The following ECE1 variants were observed in gnomAD, a reference collection of about 807,000 sequenced individuals.
ECE1 encodes the protein endothelin converting enzyme 1, also known as endothelin-converting enzyme 1.
A neutral mutation model predicts 98.6 loss-of-function variants in ECE1; 35 were observed. The ratio of observed to expected loss-of-function variants is 0.35; its 90% CI spans 0.27 to 0.47. ECE1 has a LOEUF of 0.47. Ranked by LOEUF, ECE1 falls within the 20% of genes least tolerant of loss-of-function variation. The pLI is 1.00. For synonymous variants in ECE1, 394 were observed against 407.1 expected (o/e 0.97, Z 0.39); for missense variants, 814 against 1,025.3 (o/e 0.79, Z 2.81).
intron 1 of ECE1, among the ~76,000 whole-genome samples, chr1:21,321,362 G>A (rs1051073719): frequency 7.2e-5 from 11 of 152,354 alleles, no homozygotes; most frequent in African/African-American, 2.4e-4. Context: ...AAATCTCTGT[G>A]TGAATAACAT....
rs2098222976 is a variant in ECE1 at position 21,258,648 on chromosome 1, G to A, written c.762+45C>T. 4 of 1,588,320 alleles carry A rather than the reference G, an allele frequency of 2.5e-6. No individual in the cohort carries two copies. Among genetic ancestry groups the A allele is most frequent in the Non-Finnish European group, 3.4e-6 (4 of 1,163,768 alleles). ...TCCTGCTAAACTCAAAACAGGAAGA[G>A]GTCGTGCCCGCCCCCTCGACCGCTG... is the stretch of plus-strand genomic sequence containing the variant. On this transcript the variant is annotated intron_variant, in intron 6 of 18. Transcript: ENST00000374893. The surrounding 1 kb of genome is among the most constrained non-coding windows in gnomAD (Gnocchi z 4.2).
chr1:21,238,378 A>G (rs142599738), intron 10 of ECE1, 134 bp from the exon 11 acceptor site: 1 of 744,730 alleles, frequency 1.3e-6, no homozygotes, highest in African/African-American at 1.7e-5. Flanking sequence ...GACCCAGTAA[A>G]GTTATTTTAG....
rs185969431 is a variant in ECE1 at position 21,257,788 on chromosome 1, C to T, written c.763-198G>A. Reference sequence around the variant, plus strand: ...CACATTCCTGCCTGTCCACGTGGCCCCCCCCCGCAGGGCTCCTGGGCTCCT... The same window carrying T: ...CACATTCCTGCCTGTCCACGTGGCCTCCCCCCGCAGGGCTCCTGGGCTCCT... On this transcript the variant is annotated intron_variant, in intron 6 of 18. Coordinates refer to ENST00000374893, the MANE Select transcript of ECE1 (RefSeq NM_001397.3). 4.6e-5 allele frequency among the ~76,000 whole-genome samples: 7 copies of T among 152,092 alleles called. No individual in the cohort carries two copies. The East Asian group carries it at 1.2e-3, about 25-fold the overall frequency.
rs1638903773 is a variant in ECE1, at chr1:21,319,025, T to C, written c.3+26351A>G. Among the ~76,000 whole-genome samples, 1 of 152,168 alleles carries C rather than the reference T, an allele frequency of 6.6e-6. No homozygotes were observed. Among genetic ancestry groups the C allele is most frequent in the Non-Finnish European group, 1.5e-5 (1 of 68,034 alleles). ...GCTGGGTCTGTACAATCTCCCGGGC[T>C]CCGTTTTCTCATCAGCTAAGTCAAA... On this transcript the variant is annotated intron_variant, in intron 1 of 18. Transcript: ENST00000415912. The surrounding 1 kb of genome is among the most constrained non-coding windows in gnomAD (Gnocchi z 4.4).
intron 1 of ECE1, among the ~76,000 whole-genome samples, chr1:21,326,813 C>T (rs1378634663): frequency 2.0e-5 from 3 of 152,120 alleles, no homozygotes; most frequent in African/African-American, 7.2e-5. Flanking sequence ...AGCAGCTCCC[C>T]GCTGCTGGGG....
rs1473535452 is a variant in ECE1 at position 21,222,062 on chromosome 1, C to T, written c.2041-220G>A. 8.6e-6 allele frequency: 5 copies of T among 583,940 alleles called. No individual in the cohort carries two copies. The Admixed American group carries it at 1.4e-4, about 17-fold the overall frequency. The allele number at this position is 583,940 out of a possible 1,614,324, so 36.2% of individuals were successfully genotyped here. On this transcript the variant is annotated intron_variant, in intron 17 of 18. Transcript: ENST00000374893. ...CGCACTGATGGCTCTCACATTTACA[C>T]CTTCTGCTCCAGCCTCTTCCCTGAT...
chr1:21,227,660 G>A (rs1011872853), intron 15 of ECE1, among the ~76,000 whole-genome samples: 4 of 152,154 alleles, frequency 2.6e-5, no homozygotes, highest in African/African-American at 7.2e-5. Flanking sequence ...CCCCAGCTCT[G>A]ACTGTGTTAT....
In ECE1 at chr1:21,256,067, G is replaced by A. The variant is rs1573973911; in HGVS notation, c.900C>T (p.Ile300=). Residue 300 remains isoleucine (I), a synonymous_variant, in exon 8 of 19, where the codon ATC becomes ATT. Transcript: ENST00000374893. ...KLLGGGDEEA[I]RPQMQQILDF... Reference sequence around the variant, plus strand: ...CCAAGATCTGCTGCATCTGGGGCCGGATGGCCTCCTCGTCCCCGCCGCCCA... The same window carrying A: ...CCAAGATCTGCTGCATCTGGGGCCGAATGGCCTCCTCGTCCCCGCCGCCCA... 6.2e-7 allele frequency: 1 copy of A among 1,611,620 alleles called. No homozygotes were observed. Among genetic ancestry groups the A allele is most frequent in the African/African-American group, 1.3e-5 (1 of 75,056 alleles).
intron 1 of ECE1, among the ~76,000 whole-genome samples, chr1:21,318,012 C>A (rs552979117): frequency 6.6e-6 from 1 of 152,324 alleles, no homozygotes; most frequent in African/African-American, 2.4e-5. Flanking sequence ...CAGGGCCTGC[C>A]CCTCCAAGGT....
At chr1:21,259,105 G>A (rs1464683307) in intron 5 of ECE1, among the ~76,000 whole-genome samples, 1 of 152,138 alleles carries the variant, frequency 6.6e-6, no homozygotes, top group Admixed American at 6.6e-5. Flanking sequence ...GATGAGAATG[G>A]GAAAGAGACT....
At chr1:21,336,524 G>A (rs571537017) in intron 1 of ECE1, among the ~76,000 whole-genome samples, 5 of 152,186 alleles carry the variant, frequency 3.3e-5, no homozygotes, top group Admixed American at 6.5e-5. Flanking sequence ...GTGAAACCCC[G>A]TCTCTACTAA....
rs2796360 is a variant in ECE1, at chr1:21,275,008, G to A, written c.281-2097C>T. On this transcript the variant is annotated intron_variant, in intron 3 of 18. Transcript: ENST00000374893. ...GGGCAGGGAAAGAATTTCCATGTAGGTTGAAAGAGCCTGTTGAGTATTACG... is the reference window on the plus strand; with the variant it reads ...GGGCAGGGAAAGAATTTCCATGTAGATTGAAAGAGCCTGTTGAGTATTACG... Among the ~76,000 whole-genome samples, 680 of 152,312 alleles carry A rather than the reference G, an allele frequency of 4.5e-3. 7 individuals are homozygous for A. The highest frequency in any genetic ancestry group is 0.016 in the African/African-American group (652 of 41,564).
intron 2 of ECE1, 147 bp from the exon 3 acceptor site, chr1:21,279,479 C>T: frequency 2.0e-6 from 3 of 1,513,220 alleles, no homozygotes; most frequent in East Asian, 2.5e-5. Flanking sequence ...CCCACAGATT[C>T]AGCCCTAATC....
chr1:21,282,678 G>A (rs1321211122), intron 2 of ECE1, among the ~76,000 whole-genome samples: 1 of 151,862 alleles, frequency 6.6e-6, no homozygotes, highest in Non-Finnish European at 1.5e-5. Context: ...GCAGCCACTA[G>A]GCTTGGGATG....
chr1:21,223,756 G>C (rs1159416782), intron 17 of ECE1, among the ~76,000 whole-genome samples: 1 of 152,038 alleles, frequency 6.6e-6, no homozygotes, highest in Non-Finnish European at 1.5e-5. Context: ...GAGCCACCGT[G>C]CCCAGCCATT....
At chr1:21,221,338 T>G (rs2098167234) in intron 18 of ECE1, among the ~76,000 whole-genome samples, 2 of 152,110 alleles carry the variant, frequency 1.3e-5, no homozygotes, top group Non-Finnish European at 2.9e-5. Context: ...CCTGACTTTT[T>G]TTTTGTATTT....
intron 4 of ECE1, among the ~76,000 whole-genome samples, chr1:21,264,973 A>ATCGCCTC (rs2098232004): frequency 6.6e-6 from 1 of 152,050 alleles, no homozygotes. Flanking sequence ...TGCAGCTACA[A>ATCGCCTC]TCGCCTCTTC....
upstream of ECE1, chr1:21,294,154 C>T (rs1041932677): frequency 1.3e-5 from 2 of 152,578 alleles, no homozygotes; most frequent in Non-Finnish European, 2.9e-5. This position sits in a 1 kb window ranked among gnomAD's most constrained non-coding sequence, Gnocchi z 4.2. Flanking sequence ...GGCCTCGAAC[C>T]TGGGTCCTGG....
At chr1:21,250,763 T>TTTGG (rs2098211684) in intron 8 of ECE1, among the ~76,000 whole-genome samples, 1 of 151,984 alleles carries the variant, frequency 6.6e-6, no homozygotes, top group African/African-American at 2.4e-5. Context: ...ACCCCAGCAC[T>TTTGG]TTGGGAGGCC....
Sources: allele counts gnomAD v4.1 joint callset (sites outside exome capture counted in the v4.1 genomes callset), GRCh38; gene constraint gnomAD v4.1.1; non-coding constraint Gnocchi (gnomAD v3.1); transcripts MANE v1.5; gene names NCBI Gene and HGNC (gene_info 2026-07-23, HGNC 2026-07-21).